SGCZ: variants seen among roughly 807,000 people sequenced by gnomAD.
The protein encoded by SGCZ is sarcoglycan zeta.
In SGCZ, 40 loss-of-function variants were observed where a neutral mutation model predicts 41.3. The observed-to-expected ratio is 0.97, with a 90% confidence interval of 0.75 to 1.26. The LOEUF is 1.26. SGCZ is among the 50% of genes most tolerant of loss of function. SGCZ has a pLI of 0.00. For missense variants in SGCZ, 552 were observed against 369.8 expected (o/e 1.49, Z -4.04); for synonymous variants, 206 against 137.5 (o/e 1.50, Z -3.49).
chr8:14,188,591 G>C (rs1446211275), intron 4 of SGCZ, among the ~76,000 whole-genome samples: 1 of 152,072 alleles, frequency 6.6e-6, no homozygotes, highest in Non-Finnish European at 1.5e-5. Flanking sequence ...GTTTCTTCTG[G>C]GGATAATGGA....
At chr8:14,397,713 C>G (rs994446304) in intron 2 of SGCZ, among the ~76,000 whole-genome samples, 1 of 152,110 alleles carries the variant, frequency 6.6e-6, no homozygotes, top group Admixed American at 6.6e-5. Context: ...GTGAATGTAT[C>G]TGAGATCTGA....
intron 1 of SGCZ, among the ~76,000 whole-genome samples, chr8:14,712,979 C>T (rs1229230086): frequency 1.3e-5 from 2 of 152,056 alleles, no homozygotes; most frequent in Non-Finnish European, 2.9e-5. Context: ...AAGACTAGGA[C>T]ATCCAGGTGA....
At chr8:14,588,105 G>C (rs970616432) in intron 1 of SGCZ, among the ~76,000 whole-genome samples, 25 of 151,520 alleles carry the variant, frequency 1.6e-4, no homozygotes, top group South Asian at 1.0e-3. Context: ...AATTCAGACT[G>C]TTTCAGGTAT....
At chr8:14,860,629 C>A (rs1803700849) in intron 1 of SGCZ, among the ~76,000 whole-genome samples, 4 of 123,638 alleles carry the variant, frequency 3.2e-5, no homozygotes, top group South Asian at 2.6e-4. Flanking sequence ...GAGAAAAAGA[C>A]AAAGAGAGAA....
At chr8:14,568,236 G>A (rs1804439735) in intron 1 of SGCZ, among the ~76,000 whole-genome samples, 1 of 151,942 alleles carries the variant, frequency 6.6e-6, no homozygotes, top group South Asian at 2.1e-4. Context: ...CCTGTCCGGG[G>A]GTGGGGAGAA....
intron 1 of SGCZ, among the ~76,000 whole-genome samples, chr8:14,874,572 A>T (rs1804278501): frequency 1.3e-5 from 2 of 152,172 alleles, no homozygotes; most frequent in African/African-American, 4.8e-5. Context: ...TAAGTAAAAT[A>T]TTAATATGTA....
intron 1 of SGCZ, among the ~76,000 whole-genome samples, chr8:15,004,686 G>C (rs1161094212): frequency 6.6e-6 from 1 of 152,136 alleles, no homozygotes; most frequent in Non-Finnish European, 1.5e-5. Flanking sequence ...TCTCTTGGCA[G>C]AAATCTTTCT....
chr8:14,946,065 T>G (rs1257464034), intron 1 of SGCZ, among the ~76,000 whole-genome samples: 2 of 125,348 alleles, frequency 1.6e-5, no homozygotes, highest in African/African-American at 3.0e-5. Flanking sequence ...TGAATCATTC[T>G]GTATACTATT....
rs1408661505 is a variant in SGCZ, at chr8:14,956,021, G to C, written c.39+281564C>G. Among the ~76,000 whole-genome samples the C allele has an allele frequency of 4.7e-5, 7 of 148,214 alleles. No homozygotes were observed. In the East Asian group the frequency reaches 1.4e-3, roughly 29 times the overall value. Reference sequence around the variant, plus strand: ...AAATTTATTTTTAGTGCTTAATGTAGGTAGGACACTACTTTTACTTTTTTT... The same window carrying C: ...AAATTTATTTTTAGTGCTTAATGTACGTAGGACACTACTTTTACTTTTTTT... On this transcript the variant is annotated intron_variant, in intron 1 of 7. Coordinates refer to ENST00000382080, the MANE Select transcript of SGCZ (RefSeq NM_139167.4).
chr8:15,093,391 C>A (rs1321001638), intron 1 of SGCZ, among the ~76,000 whole-genome samples: 4 of 152,140 alleles, frequency 2.6e-5, no homozygotes, highest in African/African-American at 9.6e-5. Flanking sequence ...TTCTACATTA[C>A]GTCCACCATG....
rs568678286 is a variant in SGCZ, at chr8:15,192,889, G to A, written c.39+44696C>T. Among the ~76,000 whole-genome samples the A allele has an allele frequency of 5.7e-4, 87 of 152,092 alleles. 3 individuals carry two copies. The South Asian group carries it at 0.015, about 27-fold the overall frequency. On this transcript the variant is annotated intron_variant, in intron 1 of 7. Transcript: ENST00000382080. The stretch of plus-strand genomic sequence containing the variant: ...TATTTTAGATATACAGAGAAAAAAG[G>A]AACATTTAAAAAAATATATTGGACT...
At position 15,007,726 on chromosome 8, in the gene SGCZ, A is replaced by C. The variant is rs557529608; in HGVS notation, c.39+229859T>G. Among the ~76,000 whole-genome samples the C allele has an allele frequency of 3.3e-5, 5 of 152,364 alleles. No homozygotes were observed. The South Asian group carries it at 1.0e-3, about 32-fold the overall frequency. ...ATGCATGTGTCATAATATTAAAATA[A>C]GTTGAAATCATCAGGCTTAAGTATC... On this transcript the variant is annotated intron_variant, in intron 1 of 7. Transcript: ENST00000382080.
chr8:14,341,476 G>A (rs535228710), intron 2 of SGCZ, among the ~76,000 whole-genome samples: 4 of 152,066 alleles, frequency 2.6e-5, no homozygotes, highest in African/African-American at 9.7e-5. Flanking sequence ...ATCCTAATGG[G>A]TGTGAAGTGG....
chr8:14,434,822 T>G (rs1220398038), intron 2 of SGCZ, among the ~76,000 whole-genome samples: 1 of 152,112 alleles, frequency 6.6e-6, no homozygotes, highest in Non-Finnish European at 1.5e-5. Context: ...CCAGCTACTA[T>G]GGAGCCTGAG....
At chr8:14,222,910 C>T (rs1156381382) in intron 4 of SGCZ, among the ~76,000 whole-genome samples, 1 of 144,352 alleles carries the variant, frequency 6.9e-6, no homozygotes, top group Non-Finnish European at 1.5e-5. Flanking sequence ...ATGCCGGGTT[C>T]AAGAGACTCT....
chr8:14,250,925 G>A (rs9325698), intron 3 of SGCZ, among the ~76,000 whole-genome samples: 139,593 of 152,198 alleles, frequency 0.92, 64,527 homozygotes, highest in Non-Finnish European at 0.97. Context: ...CTAGAGATGT[G>A]TATGTTAAAT....
chr8:14,697,102 C>T (rs1346436742), intron 1 of SGCZ, among the ~76,000 whole-genome samples: 1 of 151,720 alleles, frequency 6.6e-6, no homozygotes, highest in Non-Finnish European at 1.5e-5. Flanking sequence ...AGAAAAACAC[C>T]CCCATCCCAT....
At chr8:14,874,152 T>C (rs991350366) in intron 1 of SGCZ, among the ~76,000 whole-genome samples, 2 of 152,166 alleles carry the variant, frequency 1.3e-5, no homozygotes, top group African/African-American at 4.8e-5. Context: ...AACTTCATAT[T>C]CTTCTAGTTA....
intron 1 of SGCZ, among the ~76,000 whole-genome samples, chr8:14,722,443 A>G (rs148943989): frequency 0.024 from 3,593 of 152,182 alleles, 65 homozygotes; most frequent in Non-Finnish European, 0.033. Flanking sequence ...TTATTAAGGA[A>G]TACTTTATTA....
Sources: gnomAD v4.1 joint callset for allele counts (sites outside exome capture counted in the v4.1 genomes callset) on GRCh38, gnomAD v4.1.1 for gene constraint, MANE v1.5 for transcripts, NCBI Gene and HGNC (gene_info 2026-07-23, HGNC 2026-07-21) for gene names.